The following NAV2 variants were observed in gnomAD, a reference collection of about 807,000 sequenced individuals.
NAV2 encodes the protein neuron navigator 2, also known as helicase, APC down-regulated 1.
NAV2 carries 54 observed loss-of-function variants against 223.2 expected under a neutral mutation model. That is an observed-to-expected ratio of 0.24 (90% CI 0.19 to 0.30). NAV2 has a LOEUF of 0.30. Among genes scored for constraint, NAV2 ranks in the 10% least tolerant of loss-of-function variants. The pLI, the probability that NAV2 is intolerant of heterozygous loss-of-function variation, is 1.00. For synonymous variants in NAV2, 1,279 were observed against 1,239.3 expected (o/e 1.03, Z -0.67); for missense variants, 2,806 against 3,147.5 (o/e 0.89, Z 2.60).
intron 1 of NAV2, among the ~76,000 whole-genome samples, chr11:19,724,068 A>G (rs891520705): frequency 2.0e-5 from 3 of 152,178 alleles, no homozygotes; most frequent in South Asian, 2.1e-4. Context: ...TTTAAGTACT[A>G]GAGACTTAGG....
At chr11:20,104,054 C>T (rs996482477) in intron 34 of NAV2, among the ~76,000 whole-genome samples, 12 of 152,204 alleles carry the variant, frequency 7.9e-5, no homozygotes, top group Non-Finnish European at 1.5e-5. Context: ...GAAGGGACTG[C>T]AGGTGACCCT....
At chr11:19,351,808 A>T (rs1853336492) in intron 1 of NAV2, among the ~76,000 whole-genome samples, 4 of 1,702 alleles carry the variant, frequency 2.4e-3, no homozygotes, top group East Asian at 0.1. Flanking sequence ...ATGGTAAAAA[A>T]AAAAAAAAAA....
chr11:19,596,424 G>A (rs199600673), intron 1 of NAV2, among the ~76,000 whole-genome samples: 1 of 152,184 alleles, frequency 6.6e-6, no homozygotes, highest in Admixed American at 6.5e-5. Flanking sequence ...TGGGAGGTGA[G>A]GTTATACCCT....
chr11:20,022,020 C>A (rs2054556603), intron 11 of NAV2, among the ~76,000 whole-genome samples: 1 of 152,230 alleles, frequency 6.6e-6, no homozygotes, highest in African/African-American at 2.4e-5. Context: ...ACAACCCCCG[C>A]TCCCTGCTTC....
intron 1 of NAV2, among the ~76,000 whole-genome samples, chr11:19,670,152 C>T (rs1235649648): frequency 2.6e-5 from 4 of 152,166 alleles, no homozygotes; most frequent in African/African-American, 4.8e-5. Context: ...TACTAGCACA[C>T]GCTGTTGCCT....
In NAV2 at chr11:20,116,994, T is replaced by C. The variant is rs545239731; in HGVS notation, c.7165-1139T>C. ...GTCCATTATACTTCAGCTCTGCCTC[T>C]TCCCTAGTTATGGCTGTGCAGATGG... On this transcript the variant is annotated intron_variant, in intron 37 of 37. Coordinates refer to ENST00000349880, the MANE Select transcript of NAV2 (RefSeq NM_145117.5). Among the ~76,000 whole-genome samples, 3 of 152,292 alleles carry C rather than the reference T, an allele frequency of 2.0e-5. No individual in the cohort carries two copies. In the South Asian group the frequency reaches 6.2e-4, roughly 32 times the overall value.
intron 10 of NAV2, among the ~76,000 whole-genome samples, chr11:19,954,390 A>G (rs1446742689): frequency 6.6e-6 from 1 of 152,070 alleles, no homozygotes; most frequent in Middle Eastern, 3.2e-3. Context: ...AAATTGAGGA[A>G]CTCATTCATG....
intron 1 of NAV2, among the ~76,000 whole-genome samples, chr11:19,726,536 A>G (rs2051272176): frequency 6.6e-6 from 1 of 152,142 alleles, no homozygotes; most frequent in Admixed American, 6.5e-5. Context: ...ATGTTACCTT[A>G]TCAGAGAGGT....
chr11:19,488,730 A>G (rs1460098287), intron 1 of NAV2, among the ~76,000 whole-genome samples: 1 of 152,214 alleles, frequency 6.6e-6, no homozygotes. Flanking sequence ...AATAAATTCC[A>G]CCTTTGCATT....
chr11:19,824,418 G>A (rs1451813969), intron 1 of NAV2, among the ~76,000 whole-genome samples: 1 of 152,210 alleles, frequency 6.6e-6, no homozygotes, highest in Non-Finnish European at 1.5e-5. Context: ...TTGCCCTAGA[G>A]GTTGGGCATG....
intron 1 of NAV2, among the ~76,000 whole-genome samples, chr11:19,699,733 G>A (rs1037517896): frequency 1.3e-5 from 2 of 152,210 alleles, no homozygotes; most frequent in Admixed American, 1.3e-4. Context: ...AACCAAGTTA[G>A]TTAGGCAAGA....
At position 19,588,404 on chromosome 11, in the gene NAV2, A is replaced by T. The variant is rs145604927; in HGVS notation, c.75+237377A>T. On this transcript the variant is annotated intron_variant, in intron 1 of 37. Transcript: ENST00000360655. ...GGGCATCTAGGCCCATAGCTGCAAA[A>T]ATGACCCAGCTTGTGAGCCAACCCA... 2.5e-3 allele frequency among the ~76,000 whole-genome samples: 376 copies of T among 152,322 alleles called. 4 individuals are homozygous for T. Among genetic ancestry groups the T allele is most frequent in the African/African-American group, 8.8e-3 (365 of 41,568 alleles).
At chr11:19,839,727 C>T (rs2060413061) in intron 2 of NAV2, among the ~76,000 whole-genome samples, 1 of 152,234 alleles carries the variant, frequency 6.6e-6, no homozygotes, top group East Asian at 1.9e-4. Flanking sequence ...AAGTAATAAG[C>T]TTGATATCAC....
chr11:19,897,019 G>A (rs1046007602), intron 6 of NAV2, among the ~76,000 whole-genome samples: 1 of 152,080 alleles, frequency 6.6e-6, no homozygotes, highest in Non-Finnish European at 1.5e-5. Flanking sequence ...TTAAGAAAAT[G>A]TGGCACATAT....
chr11:20,095,878 C>T, intron 30 of NAV2, 111 bp downstream of exon 30: 1 of 770,118 alleles, frequency 1.3e-6, no homozygotes, highest in Non-Finnish European at 2.3e-6. Flanking sequence ...AGACCTGTCC[C>T]CTTCCCTACA....
intron 19 of NAV2, among the ~76,000 whole-genome samples, chr11:20,059,793 G>C (rs1187308167): frequency 6.6e-6 from 1 of 152,140 alleles, no homozygotes; most frequent in Admixed American, 6.6e-5. Context: ...AAAATGTGAG[G>C]TATAGCTATA....
At position 20,105,651 on chromosome 11, in the gene NAV2, C is replaced by T; in HGVS notation, c.6765C>T (p.Ile2255=). The stretch of plus-strand genomic sequence containing the variant: ...TGCGCAATATGGAGCTGGTAAAAAT[C>T]ATTGACTGGATTCCCAAGGTCTGGC... ...GRVRNMELVK[I]IDWIPKVWHH... The change falls in exon 35 of 38, where the codon ATC becomes ATT. Residue 2255 remains isoleucine, a synonymous_variant. Transcript: ENST00000349880. The T allele has an allele frequency of 6.2e-7, 1 of 1,614,010 alleles. No homozygotes were observed. Among genetic ancestry groups the T allele is most frequent in the Non-Finnish European group, 8.5e-7 (1 of 1,179,992 alleles).
chr11:20,026,107 G>C (rs1381904631), intron 11 of NAV2, among the ~76,000 whole-genome samples: 1 of 151,998 alleles, frequency 6.6e-6, no homozygotes, highest in Non-Finnish European at 1.5e-5. Flanking sequence ...GCAGAGCTGT[G>C]GTCTCTCCAT....
intron 6 of NAV2, among the ~76,000 whole-genome samples, chr11:19,901,826 T>C (rs1762883256): frequency 2.0e-5 from 3 of 152,242 alleles, no homozygotes; most frequent in Admixed American, 6.5e-5. Context: ...CAAAGTTCTT[T>C]CTTGCATTTT....
Sources: allele counts gnomAD v4.1 joint callset (sites outside exome capture counted in the v4.1 genomes callset), GRCh38; gene constraint gnomAD v4.1.1; transcripts MANE v1.5; gene names NCBI Gene and HGNC (gene_info 2026-07-23, HGNC 2026-07-21).